The following NTRK2 variants were observed in gnomAD, a reference collection of about 807,000 sequenced individuals.
NTRK2 encodes neurotrophic receptor tyrosine kinase 2.
NTRK2 carries 13 observed loss-of-function variants against 94.5 expected under a neutral mutation model. The observed-to-expected ratio is 0.14, with a 90% CI of 0.09 to 0.22. The LOEUF (loss-of-function observed/expected upper bound fraction) is 0.22. NTRK2 is among the 10% of genes least tolerant of loss of function. NTRK2 has a pLI of 1.00. For missense variants in NTRK2, 639 were observed against 1,071.2 expected, an observed-to-expected ratio of 0.60 and a Z score of 5.63; for synonymous variants, 372 against 407.4, an observed-to-expected ratio of 0.91 and a Z score of 1.05.
At chr9:84,768,500 TCCCCTGA>T (rs1195903347) in intron 12 of NTRK2, among the ~76,000 whole-genome samples, 1 of 152,158 alleles carries the variant, frequency 6.6e-6, no homozygotes, top group African/African-American at 2.4e-5. Context: ...ATGGAAAACA[TCCCCTGA>T]CCCTTGGTGG....
chr9:84,862,179 G>A (rs1323416271), intron 13 of NTRK2, among the ~76,000 whole-genome samples: 6 of 152,192 alleles, frequency 3.9e-5, no homozygotes, highest in Admixed American at 3.9e-4. Context: ...GGCAAAGTTA[G>A]AACATGAAGC....
intron 17 of NTRK2, among the ~76,000 whole-genome samples, chr9:84,976,469 C>A (rs2133188863): frequency 6.6e-6 from 1 of 152,272 alleles, no homozygotes; most frequent in Admixed American, 6.5e-5. Context: ...TAATTTAGTT[C>A]ACAGCACCAA....
chr9:84,906,052 A>C (rs1165319614), intron 14 of NTRK2, among the ~76,000 whole-genome samples: 8 of 152,210 alleles, frequency 5.3e-5, no homozygotes, highest in Non-Finnish European at 2.9e-5. Flanking sequence ...AGACATCCCA[A>C]AGGAAGCTGG....
At chr9:84,735,618 A>G (rs1208565787) in intron 9 of NTRK2, among the ~76,000 whole-genome samples, 1 of 152,232 alleles carries the variant, frequency 6.6e-6, no homozygotes, top group Non-Finnish European at 1.5e-5. Flanking sequence ...GATGAATTCA[A>G]TATGTGGCTT....
chr9:84,848,684 T>C (rs1167069280), intron 12 of NTRK2, among the ~76,000 whole-genome samples: 1 of 152,188 alleles, frequency 6.6e-6, no homozygotes, highest in Non-Finnish European at 1.5e-5. Flanking sequence ...ATTATGGTGA[T>C]GTGGCCCAGC....
intron 14 of NTRK2, among the ~76,000 whole-genome samples, chr9:84,926,171 TTTCTTTCTTTCTTTC>T (rs2077792578): frequency 1.9e-5 from 1 of 53,376 alleles, no homozygotes; most frequent in African/African-American, 6.4e-5. Context: ...CCTTCCTTCC[TTTCTTTCTTTCTTTC>T]TTTCTTTCTT....
intron 12 of NTRK2, among the ~76,000 whole-genome samples, chr9:84,793,759 C>T (rs969742604): frequency 1.4e-4 from 21 of 152,180 alleles, no homozygotes; most frequent in Non-Finnish European, 2.4e-4. Flanking sequence ...TGTTGTTGCT[C>T]GCAGAAATGA....
intron 12 of NTRK2, among the ~76,000 whole-genome samples, chr9:84,800,767 G>A (rs2070333328): frequency 6.6e-6 from 1 of 152,162 alleles, no homozygotes; most frequent in Non-Finnish European, 1.5e-5. Context: ...TCCCGAGAGG[G>A]GTCAAGAGGG....
intron 12 of NTRK2, chr9:84,810,418 C>T (rs540328772): frequency 5.5e-6 from 5 of 916,048 alleles, no homozygotes; most frequent in Non-Finnish European, 8.6e-6. Context: ...AAGTGTATTC[C>T]ATGTTGTGTC....
At chr9:85,013,772 T>C (rs773307717) in intron 17 of NTRK2, among the ~76,000 whole-genome samples, 1 of 152,214 alleles carries the variant, frequency 6.6e-6, no homozygotes, top group Non-Finnish European at 1.5e-5. Context: ...ACCAAAAGCC[T>C]CTGACAGCTA....
At chr9:84,681,668 G>T (rs954929737) in intron 2 of NTRK2, among the ~76,000 whole-genome samples, 4 of 151,922 alleles carry the variant, frequency 2.6e-5, no homozygotes, top group Non-Finnish European at 5.9e-5. Context: ...TTCCTATTTC[G>T]CATCCCCGCC....
rs1466058145 is a variant in NTRK2, at chr9:85,024,755, C to T, written c.*3318C>T. 4.3e-6 allele frequency: 1 copy of T among 232,978 alleles called. No individual in the cohort carries two copies. Among genetic ancestry groups the T allele is most frequent in the East Asian group, 6.1e-5 (1 of 16,520 alleles). 14.4% of individuals were successfully genotyped at this position (232,978 alleles called of 1,614,324 possible). On this transcript the variant is annotated 3_prime_UTR_variant, in exon 19 of 19. Coordinates refer to ENST00000277120, the MANE Select transcript of NTRK2 (RefSeq NM_006180.6). ...TGATATATAATCATGCTCTTAGCTT[C>T]AGCTAAATTCAGCTAAATTCTTGTA...
intron 14 of NTRK2, among the ~76,000 whole-genome samples, 157 bp from the exon 15 acceptor site, chr9:84,934,005 T>C (rs969417117): frequency 1.4e-4 from 22 of 152,094 alleles, no homozygotes; most frequent in African/African-American, 4.8e-4. Context: ...CCATTTGGGG[T>C]GGACTGTGAA....
At chr9:84,674,282 G>A (rs997555827) in intron 2 of NTRK2, among the ~76,000 whole-genome samples, 31 of 152,042 alleles carry the variant, frequency 2.0e-4, no homozygotes, top group African/African-American at 7.5e-4. Flanking sequence ...CTCTGATTTG[G>A]GGGTAATATT....
At chr9:84,810,963 TA>T in intron 12 of NTRK2, 2 of 1,125,072 alleles carry the variant, frequency 1.8e-6, no homozygotes, top group Non-Finnish European at 2.2e-6. Context: ...TTCTGTTTAT[TA>T]AAATTGACCT....
chr9:84,721,861 T>C (rs367600035), intron 6 of NTRK2, among the ~76,000 whole-genome samples: 10 of 152,326 alleles, frequency 6.6e-5, no homozygotes, highest in African/African-American at 2.2e-4. Flanking sequence ...TATTTGATTT[T>C]TGAAAAACAA....
chr9:84,867,503 C>T (rs2132064035), intron 14 of NTRK2, 72 bp downstream of exon 14: 1 of 1,296,562 alleles, frequency 7.7e-7, no homozygotes, highest in Non-Finnish European at 1.1e-6. Context: ...TTATCAGAGC[C>T]CCTGATAGGG....
At chr9:84,735,256 G>A (rs2063173039) in intron 9 of NTRK2, among the ~76,000 whole-genome samples, 1 of 152,130 alleles carries the variant, frequency 6.6e-6, no homozygotes, top group African/African-American at 2.4e-5. Flanking sequence ...TTTGACTCTG[G>A]TAAAACTTCT....
chr9:84,861,196 G>A (rs1356375078), intron 13 of NTRK2, 109 bp downstream of exon 13: 1 of 875,752 alleles, frequency 1.1e-6, no homozygotes, highest in Admixed American at 2.2e-5. Flanking sequence ...TTCATTTTCT[G>A]TGTTCCTGGT....
Sources: allele counts gnomAD v4.1 joint callset (sites outside exome capture counted in the v4.1 genomes callset), GRCh38; gene constraint gnomAD v4.1.1; transcripts MANE v1.5; gene names NCBI Gene and HGNC (gene_info 2026-07-23, HGNC 2026-07-21).